The following LRP8 variants were observed in gnomAD, a reference collection of about 807,000 sequenced individuals.
The protein encoded by LRP8 is low-density lipoprotein receptor-related protein 8.
In LRP8, 46 loss-of-function variants were observed where a neutral mutation model predicts 111.6. The observed-to-expected ratio is 0.41, with a 90% CI of 0.33 to 0.53. The LOEUF is 0.53. Ranked by LOEUF, LRP8 falls within the 20% of genes least tolerant of loss-of-function variation. The probability of loss-of-function intolerance (pLI) is 0.20; values close to 1 mark genes in which losing one functional copy is unlikely to be tolerated. For synonymous variants in LRP8, 464 were observed against 511.2 expected (o/e 0.91, Z 1.24); for missense variants, 959 against 1,297.4 (o/e 0.74, Z 4.01).
In LRP8 at chr1:53,243,304, T is replaced by G. The variant is rs940057236; in HGVS notation, c.*3714A>C. On this transcript the variant is annotated 3_prime_UTR_variant, in exon 19 of 19. Coordinates refer to ENST00000306052, the MANE Select transcript of LRP8 (RefSeq NM_004631.5). ...ACATTTTCGTTTTTCTTTCTCACAG[T>G]TGAGAAAATCTAAGAGGCTCTCGAC... The G allele has an allele frequency of 1.3e-5, 2 of 152,180 alleles. No homozygotes were observed. The highest frequency in any genetic ancestry group is 2.9e-5 in the Non-Finnish European group (2 of 68,038). 9.4% of individuals were successfully genotyped at this position (152,180 alleles called of 1,614,324 possible).
chr1:53,288,008 G>A (rs1170348745), intron 3 of LRP8: 1 of 152,054 alleles, frequency 6.6e-6, no homozygotes, highest in Non-Finnish European at 1.5e-5. Context: ...AGGGGGAGAA[G>A]GGGAGCCTAG....
Position 53,294,804 on chromosome 1 carries a change from G to A in LRP8, c.245-5115C>T, listed in dbSNP as rs1467930042. Reference sequence around the variant, plus strand: ...CACTCAGCACTTCTTGGCTTCCCCCGCCTCCAGAGACATCCTTCCCTGAGA... The same window carrying A: ...CACTCAGCACTTCTTGGCTTCCCCCACCTCCAGAGACATCCTTCCCTGAGA... On this transcript the variant is annotated intron_variant, in intron 2 of 18. Transcript: ENST00000306052. The surrounding 1 kb of genome is among the most constrained non-coding windows in gnomAD (Gnocchi z 4.1). 2.0e-5 allele frequency among the ~76,000 whole-genome samples: 3 copies of A among 152,176 alleles called. No individual in the cohort carries two copies. Among genetic ancestry groups the A allele is most frequent in the South Asian group, 2.1e-4 (1 of 4,830 alleles).
chr1:53,257,869 A>G (rs1451577113), intron 14 of LRP8: 1 of 240,374 alleles, frequency 4.2e-6, no homozygotes, highest in African/African-American at 2.2e-5. Context: ...CCTTGGCTAT[A>G]CATCAAGATT....
rs146198972 is a variant in LRP8 at position 53,270,829 on chromosome 1, C to T, written c.1252+199G>A. On this transcript the variant is annotated intron_variant, in intron 8 of 18. Transcript: ENST00000306052. Reference sequence around the variant, plus strand: ...TACTCTTATCTCCTTAATAAACCTTCGGCTTATGTTACTAATTGTCTCTTG... The same window carrying T: ...TACTCTTATCTCCTTAATAAACCTTTGGCTTATGTTACTAATTGTCTCTTG... Among the ~76,000 whole-genome samples, 67 of 152,356 alleles carry T rather than the reference C, an allele frequency of 4.4e-4. No homozygotes were observed. In the East Asian group the frequency reaches 0.01, roughly 24 times the overall value.
rs80282693 is a variant in LRP8, at chr1:53,310,951, G to A, written c.244+15922C>T. 3.0e-3 allele frequency among the ~76,000 whole-genome samples: 452 copies of A among 152,270 alleles called. 4 individuals carry two copies. Among genetic ancestry groups the A allele is most frequent in the African/African-American group, 0.011 (440 of 41,552 alleles). ...ATGACAAAGGTGCCAAATCGACCCC[G>A]GGTCATGCCTGCCCAGCCCTGCACA... is the stretch of plus-strand genomic sequence containing the variant. On this transcript the variant is annotated intron_variant, in intron 2 of 18. Coordinates refer to ENST00000306052, the MANE Select transcript of LRP8 (RefSeq NM_004631.5).
intron 1 of LRP8, 144 bp downstream of exon 1, chr1:53,327,645 G>A: frequency 1.6e-6 from 2 of 1,261,894 alleles, no homozygotes; most frequent in African/African-American, 1.6e-5. Flanking sequence ...GCAAATTCAG[G>A]AATAGCCGCT....
chr1:53,263,117 T>C (rs1646406126), intron 10 of LRP8, among the ~76,000 whole-genome samples: 1 of 152,100 alleles, frequency 6.6e-6, no homozygotes, highest in Non-Finnish European at 1.5e-5. Context: ...CGATCCGCAG[T>C]GGATTGGGGT....
At chr1:53,278,668 G>GAGCT (rs1443591742) in intron 4 of LRP8, among the ~76,000 whole-genome samples, 1 of 151,702 alleles carries the variant, frequency 6.6e-6, no homozygotes, top group African/African-American at 2.4e-5. Flanking sequence ...ACACCTAGAT[G>GAGCT]AGCTCCCTTC....
intron 10 of LRP8, among the ~76,000 whole-genome samples, chr1:53,263,108 G>A (rs1646405338): frequency 2.0e-5 from 3 of 152,182 alleles, no homozygotes; most frequent in South Asian, 2.1e-4. Flanking sequence ...GGACCCTGAC[G>A]ATCCGCAGTG....
chr1:53,294,358 A>C lies in LRP8; in HGVS notation c.245-4669T>G, dbSNP rs1649305942. Among the ~76,000 whole-genome samples the C allele has an allele frequency of 6.6e-6, 1 of 152,228 alleles. No individual in the cohort carries two copies. Among genetic ancestry groups the C allele is most frequent in the Non-Finnish European group, 1.5e-5 (1 of 68,032 alleles). On this transcript the variant is annotated intron_variant, in intron 2 of 18. Transcript: ENST00000306052. The surrounding 1 kb of genome is among the most constrained non-coding windows in gnomAD (Gnocchi z 4.1). ...TAGAGTAGGGGAGAGTGGGAAATCC[A>C]GGACAAAGGAAGTGGGAAATGCTAT...
At chr1:53,296,667 T>C (rs1444107136) in intron 2 of LRP8, among the ~76,000 whole-genome samples, 3 of 152,190 alleles carry the variant, frequency 2.0e-5, no homozygotes, top group Non-Finnish European at 2.9e-5. Flanking sequence ...ACTATTAAAC[T>C]GTCACCCCAG....
intron 2 of LRP8, among the ~76,000 whole-genome samples, chr1:53,301,025 G>A (rs189967577): frequency 6.6e-6 from 1 of 152,230 alleles, no homozygotes; most frequent in African/African-American, 2.4e-5. Flanking sequence ...CTCGAGGTGT[G>A]GGGGGTGGGG....
chr1:53,264,446 C>T (rs1443273725), intron 9 of LRP8, 50 bp from the exon 10 acceptor site: 3 of 1,438,806 alleles, frequency 2.1e-6, no homozygotes, highest in Non-Finnish European at 2.9e-6. Context: ...ACCCATGGGC[C>T]CATCTGGAGC....
intron 2 of LRP8, among the ~76,000 whole-genome samples, chr1:53,312,899 T>C (rs12088292): frequency 0.048 from 7,312 of 152,228 alleles, 598 homozygotes; most frequent in African/African-American, 0.17. Context: ...GGCAAGCACA[T>C]GGCAATGCTG....
At chr1:53,253,206 G>T (rs1645954769) in intron 16 of LRP8, among the ~76,000 whole-genome samples, 1 of 152,130 alleles carries the variant, frequency 6.6e-6, no homozygotes, top group African/African-American at 2.4e-5. Flanking sequence ...GAGTGAGGCT[G>T]GCCTTCTTAA....
intron 2 of LRP8, among the ~76,000 whole-genome samples, chr1:53,312,340 A>T (rs1653154215): frequency 6.6e-6 from 1 of 152,146 alleles, no homozygotes; most frequent in Non-Finnish European, 1.5e-5. Flanking sequence ...TTCTCCCAAA[A>T]GGTGAGGAAG....
chr1:53,266,962 C>A lies in LRP8; in HGVS notation c.1253-315G>T, dbSNP rs930460213. The A allele has an allele frequency of 7.1e-6, 2 of 283,262 alleles. No individual in the cohort carries two copies. Among genetic ancestry groups the A allele is most frequent in the African/African-American group, 4.2e-5 (2 of 47,260 alleles). 17.5% of individuals were successfully genotyped at this position (283,262 alleles called of 1,614,324 possible). ...CACAGTGTGACCCCAAGTTCCCTGT[C>A]CAGCCTCATTACTCGCCTCTCCAAC... On this transcript the variant is annotated intron_variant, in intron 8 of 18. Coordinates refer to ENST00000306052, the MANE Select transcript of LRP8 (RefSeq NM_004631.5). The surrounding 1 kb of genome is among the most constrained non-coding windows in gnomAD (Gnocchi z 5.0).
chr1:53,271,566 A>T (rs1646761538), intron 6 of LRP8, among the ~76,000 whole-genome samples: 1 of 152,010 alleles, frequency 6.6e-6, no homozygotes, highest in Admixed American at 6.6e-5. Flanking sequence ...AGACACAGAG[A>T]CAGGGTAGAG....
chr1:53,295,163 C>A (rs1649465701), intron 2 of LRP8, among the ~76,000 whole-genome samples: 1 of 152,202 alleles, frequency 6.6e-6, no homozygotes, highest in South Asian at 2.1e-4. Context: ...GCCACCTGAC[C>A]TGGCCCAGGG....
Sources: gnomAD v4.1 joint callset for allele counts (sites outside exome capture counted in the v4.1 genomes callset) on GRCh38, gnomAD v4.1.1 for gene constraint, Gnocchi (gnomAD v3.1) non-coding constraint, MANE v1.5 for transcripts, NCBI Gene and HGNC (gene_info 2026-07-23, HGNC 2026-07-21) for gene names.